Variants in PREX1 observed in about 807,000 individuals in gnomAD.
PREX1 encodes phosphatidylinositol-3,4,5-trisphosphate dependent Rac exchange factor 1, also known as phosphatidylinositol 3,4,5-trisphosphate-dependent Rac exchanger 1 protein.
A neutral mutation model predicts 198.3 loss-of-function variants in PREX1; 41 were observed. That is an observed-to-expected ratio of 0.21 (90% confidence interval 0.16 to 0.27). The LOEUF is 0.27. PREX1 is among the 10% of genes least tolerant of loss of function. The probability of loss-of-function intolerance (pLI) is 1.00; values close to 1 mark genes in which losing one functional copy is unlikely to be tolerated. For missense variants in PREX1, 1,620 were observed against 2,200.7 expected (o/e 0.74, Z 5.28); for synonymous variants, 843 against 887.2 (o/e 0.95, Z 0.89).
intron 1 of PREX1, among the ~76,000 whole-genome samples, chr20:48,788,789 C>T (rs1010582062): frequency 1.3e-5 from 2 of 152,174 alleles, no homozygotes; most frequent in African/African-American, 4.8e-5. Context: ...TGAATTAATG[C>T]ATTCACGGAT....
chr20:48,776,835 C>T (rs1193209699), intron 1 of PREX1, among the ~76,000 whole-genome samples: 1 of 152,160 alleles, frequency 6.6e-6, no homozygotes, highest in Admixed American at 6.5e-5. Flanking sequence ...ACGTATTTCT[C>T]CTAAGAGTCA....
intron 25 of PREX1, among the ~76,000 whole-genome samples, chr20:48,647,019 T>A (rs1046565461): frequency 6.6e-6 from 1 of 152,174 alleles, no homozygotes; most frequent in Admixed American, 6.5e-5. Flanking sequence ...GGCAGGAGGA[T>A]CTCTTTAGCT....
intron 1 of PREX1, among the ~76,000 whole-genome samples, chr20:48,785,379 G>C (rs1047450189): frequency 3.3e-5 from 5 of 152,212 alleles, no homozygotes; most frequent in Non-Finnish European, 7.3e-5. Context: ...CAGCCCAGAG[G>C]ACACCTTTAG....
At chr20:48,810,588 A>G (rs1292639689) in intron 1 of PREX1, among the ~76,000 whole-genome samples, 1 of 147,826 alleles carries the variant, frequency 6.8e-6, no homozygotes. Flanking sequence ...CCTCAATTAA[A>G]AAAAAAAAAA....
At chr20:48,753,689 A>G (rs2122807543) in intron 1 of PREX1, among the ~76,000 whole-genome samples, 1 of 152,328 alleles carries the variant, frequency 6.6e-6, no homozygotes, top group Admixed American at 6.5e-5. Context: ...AGCTGCAGGT[A>G]CACTGGTCTC....
chr20:48,657,570 C>T (rs2089554938), intron 17 of PREX1, among the ~76,000 whole-genome samples: 1 of 152,220 alleles, frequency 6.6e-6, no homozygotes, highest in Non-Finnish European at 1.5e-5. Flanking sequence ...CTTCCAACCG[C>T]TCACATCACT....
intron 1 of PREX1, among the ~76,000 whole-genome samples, chr20:48,772,455 T>C (rs1244062073): frequency 2.0e-5 from 3 of 152,110 alleles, no homozygotes; most frequent in African/African-American, 7.2e-5. Context: ...GCAGAAGAGA[T>C]GCCCCAGCCC....
chr20:48,627,514 T>A (rs765719778), intron 39 of PREX1, 34 bp downstream of exon 39: 2 of 1,610,874 alleles, frequency 1.2e-6, no homozygotes, highest in Non-Finnish European at 1.7e-6. Context: ...CAGCTGGGAG[T>A]GGACAGGAAG....
the PREX1 span, among the ~76,000 whole-genome samples, chr20:48,883,172 T>C: frequency 6.6e-6 from 1 of 151,912 alleles, no homozygotes; most frequent in East Asian, 1.9e-4. Flanking sequence ...TGACCTCAGG[T>C]ATCTGTCCAC....
rs772124017 is a variant in PREX1 at position 48,632,510 on chromosome 20, G to A, written c.4397C>T (p.Ala1466Val). ...EGGASLRLHT[A>V]LFTKVLENVE... is the part of the protein sequence containing the mutation. ...CTGAAGCTCACCTTTCGTGAACAGCGCTGTGTGCAGCCTCAGGCTGGCCCC... is the reference window on the plus strand; with the variant it reads ...CTGAAGCTCACCTTTCGTGAACAGCACTGTGTGCAGCCTCAGGCTGGCCCC... Residue 1466 changes from alanine (A) to valine (V), a missense_variant, in exon 34 of 40, where the codon GCG (alanine) becomes GTG (valine). Ala to Val is a moderately conservative substitution (Grantham distance 64). This residue lies in a region of PREX1 where 476 missense variants were observed against 603.4 expected (regional missense o/e 0.79). Transcript: ENST00000371941. 15 of 1,613,866 alleles carry A rather than the reference G, an allele frequency of 9.3e-6. No homozygotes were observed. The highest frequency in any genetic ancestry group is 4.0e-5 in the African/African-American group (3 of 74,886).
chr20:48,852,353 G>A, the PREX1 span, among the ~76,000 whole-genome samples: 14 of 151,848 alleles, frequency 9.2e-5, no homozygotes, highest in East Asian at 5.8e-4. Flanking sequence ...TGCTGGAGGC[G>A]GAATTTTTTT....
chr20:48,837,489 A>T, the PREX1 span, among the ~76,000 whole-genome samples: 1 of 152,260 alleles, frequency 6.6e-6, no homozygotes. Flanking sequence ...CCATGAAGCC[A>T]TAAAAAATAA....
At position 48,636,568 on chromosome 20, in the gene PREX1, G is replaced by A. The variant is rs2089365919; in HGVS notation, c.4062C>T (p.Gly1354=). The A allele has an allele frequency of 1.2e-6, 2 of 1,611,788 alleles. No homozygotes were observed. The highest frequency in any genetic ancestry group is 1.3e-5 in the African/African-American group (1 of 74,924). Residue 1354 remains glycine, a synonymous_variant, in exon 32 of 40, where the codon GGC becomes GGT. Transcript: ENST00000371941. ...AALGYRYNNN[G]EYEESSRDAS... is the part of the protein sequence containing the mutation. ...CGTCGCGGCTGCTCTCCTCGTACTC[G>A]CCATTGTTGTTGTAGCGGTAGCCCA...
intron 27 of PREX1, among the ~76,000 whole-genome samples, chr20:48,643,534 C>A (rs1443015217): frequency 6.6e-6 from 1 of 152,134 alleles, no homozygotes; most frequent in Non-Finnish European, 1.5e-5. Flanking sequence ...TTGTCTATGT[C>A]TGTCTATCCA....
intron 2 of PREX1, among the ~76,000 whole-genome samples, chr20:48,746,345 G>A (rs531483742): frequency 6.6e-6 from 1 of 152,292 alleles, no homozygotes; most frequent in South Asian, 2.1e-4. Flanking sequence ...TGTTTTTTAA[G>A]AATAGTTGTT....
chr20:48,682,969 G>A (rs923733126), intron 10 of PREX1, among the ~76,000 whole-genome samples: 15 of 152,358 alleles, frequency 9.8e-5, no homozygotes, highest in African/African-American at 1.4e-4. Flanking sequence ...CTGGTGTGTA[G>A]GTAGCGGTGC....
chr20:48,811,542 G>A (rs537913538), intron 1 of PREX1, among the ~76,000 whole-genome samples: 65 of 147,560 alleles, frequency 4.4e-4, no homozygotes, highest in African/African-American at 1.2e-3. Flanking sequence ...ACACACACAC[G>A]TGTGCATGCA....
the PREX1 span, among the ~76,000 whole-genome samples, chr20:48,851,947 C>T: frequency 6.6e-6 from 1 of 152,052 alleles, no homozygotes; most frequent in African/African-American, 2.4e-5. Flanking sequence ...GGATTATTTG[C>T]CAAAAATATT....
intron 5 of PREX1, among the ~76,000 whole-genome samples, chr20:48,725,893 A>G (rs1230689143): frequency 1.3e-5 from 2 of 152,240 alleles, no homozygotes; most frequent in Non-Finnish European, 2.9e-5. Context: ...TAAATGGTAC[A>G]TGCAAAGGCT....
Sources: gnomAD v4.1 joint callset for allele counts (sites outside exome capture counted in the v4.1 genomes callset) on GRCh38, gnomAD v4.1.1 for gene constraint, gnomAD v4.1.1 regional missense constraint, MANE v1.5 for transcripts, NCBI Gene and HGNC (gene_info 2026-07-23, HGNC 2026-07-21) for gene names.